NEIL2: variants seen among roughly 807,000 people sequenced by gnomAD.
NEIL2 encodes nei like DNA glycosylase 2, also known as endonuclease 8-like 2.
NEIL2 carries 23 observed loss-of-function variants against 22.2 expected under a neutral mutation model. The observed-to-expected ratio is 1.04, with a 90% confidence interval of 0.75 to 1.47. The LOEUF is 1.47. NEIL2 is among the 40% of genes most tolerant of loss of function. The probability of loss-of-function intolerance (pLI) is 0.00; values close to 1 mark genes in which losing one functional copy is unlikely to be tolerated. For synonymous variants in NEIL2, 229 were observed against 164.8 expected (o/e 1.39, Z -2.99); for missense variants, 583 against 404.7 (o/e 1.44, Z -3.78).
intron 2 of NEIL2, among the ~76,000 whole-genome samples, chr8:11,779,311 A>C (rs751596457): frequency 1.3e-5 from 2 of 152,228 alleles, no homozygotes; most frequent in Non-Finnish European, 1.5e-5. Flanking sequence ...TACTGCATGA[A>C]AAAATTGGGA....
intron 2 of NEIL2, among the ~76,000 whole-genome samples, chr8:11,773,344 A>G (rs945372367): frequency 8.5e-5 from 13 of 152,150 alleles, no homozygotes; most frequent in Non-Finnish European, 1.8e-4. Flanking sequence ...GGTTGCAGGG[A>G]ACCTTCGGGG....
intron 2 of NEIL2, among the ~76,000 whole-genome samples, chr8:11,774,848 T>C (rs756740403): frequency 2.0e-5 from 3 of 152,250 alleles, no homozygotes; most frequent in South Asian, 2.1e-4. Context: ...AAAATGATCT[T>C]TGACTCCATG....
intron 2 of NEIL2, among the ~76,000 whole-genome samples, chr8:11,777,925 C>G (rs1804052016): frequency 6.6e-6 from 1 of 152,246 alleles, no homozygotes; most frequent in African/African-American, 2.4e-5. Flanking sequence ...TCTCTTACCA[C>G]TGTTCCATTG....
At chr8:11,784,906 T>C (rs1224974375) in intron 4 of NEIL2, among the ~76,000 whole-genome samples, 1 of 152,226 alleles carries the variant, frequency 6.6e-6, no homozygotes, top group Non-Finnish European at 1.5e-5. Flanking sequence ...TCTCTCTCTG[T>C]CACCCAGGCC....
chr8:11,779,022 C>T (rs932508331), intron 2 of NEIL2, among the ~76,000 whole-genome samples: 6 of 143,084 alleles, frequency 4.2e-5, no homozygotes, highest in Non-Finnish European at 9.1e-5. Context: ...CTACTGAAAT[C>T]ATTTTCAGTG....
At chr8:11,785,861 C>G in intron 4 of NEIL2, 102 bp from the exon 5 acceptor site, 7 of 1,084,308 alleles carry the variant, frequency 6.5e-6, no homozygotes, top group Non-Finnish European at 1.0e-5. Flanking sequence ...TAGGGTCCCC[C>G]AGGACATGGA....
At chr8:11,779,078 G>C (rs1804162557) in intron 2 of NEIL2, among the ~76,000 whole-genome samples, 1 of 151,184 alleles carries the variant, frequency 6.6e-6, no homozygotes, top group Non-Finnish European at 1.5e-5. Flanking sequence ...GTGGTGATCT[G>C]ATTCACTGAT....
chr8:11,769,991 A>G lies in NEIL2; in HGVS notation c.-347A>G, dbSNP rs993999709. 1 of 152,260 alleles carries G rather than the reference A, an allele frequency of 6.6e-6. No homozygotes were observed. The allele number at this position is 152,260 out of a possible 1,614,324, so 9.4% of individuals were successfully genotyped here. Reference sequence around the variant, plus strand: ...CACCCCGAGGCAGAGTTGGGAAAGCAGTGGTCTTAGACCCCCCACCTCGGG... The same window carrying G: ...CACCCCGAGGCAGAGTTGGGAAAGCGGTGGTCTTAGACCCCCCACCTCGGG... On this transcript the variant is annotated 5_prime_UTR_variant, in exon 1 of 5. Transcript: ENST00000284503.
In NEIL2 at chr8:11,787,336, T is replaced by C. The variant is rs1479457490; in HGVS notation, c.*1063T>C. 3 of 152,678 alleles carry C rather than the reference T, an allele frequency of 2.0e-5. No homozygotes were observed. Among genetic ancestry groups the C allele is most frequent in the Non-Finnish European group, 4.4e-5 (3 of 68,050 alleles). The allele number at this position is 152,678 out of a possible 1,614,324, so 9.5% of individuals were successfully genotyped here. A position where few individuals can be genotyped will look rare whatever the true frequency, so the allele number is the denominator to read the frequency against. ...GCGGTGACATGAAAATAAAGCTCAC[T>C]GTTACTCGCTGTTTTTGTCTTTATT... On this transcript the variant is annotated 3_prime_UTR_variant, in exon 5 of 5. Coordinates refer to ENST00000284503, the MANE Select transcript of NEIL2 (RefSeq NM_145043.4).
rs1280198507 is a variant in NEIL2 at position 11,786,097 on chromosome 8, A to T, written c.823A>T (p.Lys275Ter). Residue 275 changes from lysine to a stop codon, truncating the protein, a stop_gained, in exon 5 of 5, where the codon AAG (lysine) becomes TAG (stop). Coordinates refer to ENST00000284503, the MANE Select transcript of NEIL2 (RefSeq NM_145043.4). LOFTEE classifies it low-confidence loss of function (END_TRUNC). ...VEFSTAWLQG[K>*]FQGRPQHTQV... is the part of the protein sequence containing the mutation. ...GTTCAGTACAGCCTGGCTGCAGGGCAAGTTCCAAGGCAGACCGCAGCACAC... is the reference window on the plus strand; with the variant it reads ...GTTCAGTACAGCCTGGCTGCAGGGCTAGTTCCAAGGCAGACCGCAGCACAC... The T allele has an allele frequency of 2.5e-6, 4 of 1,614,048 alleles. No homozygotes were observed. The highest frequency in any genetic ancestry group is 3.4e-6 in the Non-Finnish European group (4 of 1,180,020).
At chr8:11,775,964 A>G (rs1342264792) in intron 2 of NEIL2, among the ~76,000 whole-genome samples, 1 of 152,006 alleles carries the variant, frequency 6.6e-6, no homozygotes, top group Non-Finnish European at 1.5e-5. Context: ...GACTGTTTCA[A>G]CCTCTGCCTG....
intron 2 of NEIL2, among the ~76,000 whole-genome samples, chr8:11,775,619 C>T (rs553370917): frequency 1.3e-5 from 2 of 152,332 alleles, no homozygotes; most frequent in Admixed American, 1.3e-4. Context: ...TTTTCTACTG[C>T]ATCATCAGGC....
intron 3 of NEIL2, 59 bp downstream of exon 3, chr8:11,780,009 G>A: frequency 6.8e-7 from 1 of 1,471,468 alleles, no homozygotes; most frequent in Non-Finnish European, 9.5e-7. Context: ...CCTGCTTGGT[G>A]GGGTTTGGGA....
At chr8:11,774,337 C>T (rs975213386) in intron 2 of NEIL2, among the ~76,000 whole-genome samples, 5 of 152,090 alleles carry the variant, frequency 3.3e-5, no homozygotes, top group Admixed American at 2.0e-4. Flanking sequence ...ATCGCACCTG[C>T]GCTCCAGCCT....
chr8:11,786,503 C>T lies in NEIL2; in HGVS notation c.*230C>T, dbSNP rs181242603. On this transcript the variant is annotated 3_prime_UTR_variant, in exon 5 of 5. Coordinates refer to ENST00000284503, the MANE Select transcript of NEIL2 (RefSeq NM_145043.4). Reference sequence around the variant, plus strand: ...AATTCATCCTGTTGAATTGCACCATCGTGAAAGATGGGAAAAATCGTGATG... The same window carrying T: ...AATTCATCCTGTTGAATTGCACCATTGTGAAAGATGGGAAAAATCGTGATG... 1.1e-3 allele frequency: 631 copies of T among 577,122 alleles called. 6 individuals are homozygous for T. Among genetic ancestry groups the T allele is most frequent in the African/African-American group, 0.011 (583 of 53,456 alleles). 35.8% of individuals were successfully genotyped at this position (577,122 alleles called of 1,614,324 possible). A position where few individuals can be genotyped will look rare whatever the true frequency, so the allele number is the denominator to read the frequency against.
At chr8:11,777,498 A>G (rs1159538266) in intron 2 of NEIL2, among the ~76,000 whole-genome samples, 9 of 152,124 alleles carry the variant, frequency 5.9e-5, no homozygotes, top group African/African-American at 1.9e-4. Context: ...TATCTCCCCA[A>G]GCTGAGACTC....
chr8:11,772,737 C>T (rs904779653), intron 2 of NEIL2, among the ~76,000 whole-genome samples: 2 of 152,168 alleles, frequency 1.3e-5, no homozygotes, highest in African/African-American at 4.8e-5. Context: ...TGAGCTCACG[C>T]GCTCTGCTGC....
chr8:11,770,234 C>T lies in NEIL2; in HGVS notation c.-104C>T, dbSNP rs925409213. On this transcript the variant is annotated 5_prime_UTR_variant, in exon 1 of 5. Coordinates refer to ENST00000284503, the MANE Select transcript of NEIL2 (RefSeq NM_145043.4). ...TCTCCATAAAAATCCCTAAACGAAACATGCCCACGTGTCCGGAGATTTTCA... is the reference window on the plus strand; with the variant it reads ...TCTCCATAAAAATCCCTAAACGAAATATGCCCACGTGTCCGGAGATTTTCA... 1 of 152,202 alleles carries T rather than the reference C, an allele frequency of 6.6e-6. No individual in the cohort carries two copies. Among genetic ancestry groups the T allele is most frequent in the Non-Finnish European group, 1.5e-5 (1 of 68,036 alleles). 9.4% of individuals were successfully genotyped at this position (152,202 alleles called of 1,614,324 possible). A position where few individuals can be genotyped will look rare whatever the true frequency, so the allele number is the denominator to read the frequency against.
At chr8:11,770,447 CA>C (rs759633256) in intron 1 of NEIL2, 112 bp downstream of exon 1, 11 of 152,158 alleles carry the variant, frequency 7.2e-5, no homozygotes, top group Non-Finnish European at 1.5e-4. Flanking sequence ...GAATCGGCAC[CA>C]GCGAGTGTAA....
Sources: allele counts gnomAD v4.1 joint callset (sites outside exome capture counted in the v4.1 genomes callset), GRCh38; gene constraint gnomAD v4.1.1; transcripts MANE v1.5; gene names NCBI Gene and HGNC (gene_info 2026-07-23, HGNC 2026-07-21).